Variants in TRIM24 observed in about 807,000 individuals in gnomAD.
TRIM24 encodes the protein tripartite motif containing 24, also known as transcription intermediary factor 1-alpha.
A neutral mutation model predicts 123.9 loss-of-function variants in TRIM24; 29 were observed. That is an observed-to-expected ratio of 0.23 (90% CI 0.17 to 0.32). The LOEUF (loss-of-function observed/expected upper bound fraction) is 0.32, where lower values mean the gene tolerates loss of function less well. TRIM24 is among the 10% of genes least tolerant of loss of function. The probability of loss-of-function intolerance (pLI) is 1.00; values close to 1 mark genes in which losing one functional copy is unlikely to be tolerated. For synonymous variants in TRIM24, 456 were observed against 461.1 expected (o/e 0.99, Z 0.14); for missense variants, 932 against 1,295.3 (o/e 0.72, Z 4.31).
In TRIM24 at chr7:138,567,561, A is replaced by G; in HGVS notation, c.1611A>G (p.Gln537=). 6.2e-7 allele frequency: 1 copy of G among 1,613,986 alleles called. No homozygotes were observed. Among genetic ancestry groups the G allele is most frequent in the South Asian group, 1.1e-5 (1 of 91,072 alleles). The change falls in exon 10 of 19, where the codon CAA becomes CAG. Residue 537 remains glutamine (Q), a synonymous_variant. Coordinates refer to ENST00000343526, the MANE Select transcript of TRIM24 (RefSeq NM_015905.3). ...NGPVLPPHPQ[Q]LRYPPNQNIP... is the part of the protein sequence containing the mutation. ...CAGTTCTTCCTCCTCATCCTCAACA[A>G]CTGAGATATCCACCAAACCAGAACA...
intron 7 of TRIM24, among the ~76,000 whole-genome samples, chr7:138,548,439 C>T (rs1797144684): frequency 6.6e-6 from 1 of 151,796 alleles, no homozygotes; most frequent in South Asian, 2.1e-4. Context: ...AACAGTATAC[C>T]TGTATAGGTA....
intron 2 of TRIM24, among the ~76,000 whole-genome samples, chr7:138,509,684 AGAGT>A (rs1359944723): frequency 1.5e-5 from 2 of 133,288 alleles, no homozygotes; most frequent in Admixed American, 1.7e-4. Flanking sequence ...CCTGGATGAC[AGAGT>A]GAGACTCTGT....
At chr7:138,493,342 T>C (rs1030433384) in intron 1 of TRIM24, among the ~76,000 whole-genome samples, 3 of 152,254 alleles carry the variant, frequency 2.0e-5, no homozygotes, top group Admixed American at 1.3e-4. Context: ...AGTATTACAA[T>C]GTGTTGGTAA....
intron 1 of TRIM24, among the ~76,000 whole-genome samples, chr7:138,478,922 A>C (rs557563929): frequency 2.0e-5 from 3 of 152,226 alleles, no homozygotes; most frequent in Non-Finnish European, 2.9e-5. Flanking sequence ...CCATCTCAGC[A>C]TAGTGGCCTT....
chr7:138,496,891 C>T (rs574139253), intron 1 of TRIM24, among the ~76,000 whole-genome samples: 10 of 152,154 alleles, frequency 6.6e-5, no homozygotes, highest in African/African-American at 7.2e-5. Flanking sequence ...ATTATTTGAA[C>T]GCTCAACCAG....
intron 9 of TRIM24, among the ~76,000 whole-genome samples, chr7:138,555,810 CT>C (rs1797304907): frequency 1.3e-5 from 2 of 152,086 alleles, no homozygotes; most frequent in South Asian, 2.1e-4. Flanking sequence ...GTTGCTTCCC[CT>C]GTCACAGGAT....
chr7:138,554,955 A>G lies in TRIM24; in HGVS notation c.1519A>G (p.Ile507Val). 6.2e-7 allele frequency: 1 copy of G among 1,613,802 alleles called. No homozygotes were observed. ...GCAGGGGCCCATCCAGCAACCTTCCATCTCTCATCAGGTAAATTTGGAAGC... is the reference window on the plus strand; with the variant it reads ...GCAGGGGCCCATCCAGCAACCTTCCGTCTCTCATCAGGTAAATTTGGAAGC... Reference protein sequence around the residue: ...RMQGPIQQPSISHQQPPPRLI... With the variant: ...RMQGPIQQPSVSHQQPPPRLI... The change falls in exon 9 of 19, where the codon ATC (isoleucine) becomes GTC (valine). Residue 507 changes from isoleucine (I) to valine (V), a missense_variant. Ile to Val is a conservative substitution (Grantham distance 29). Around this residue, in one of 7 missense-constraint regions of TRIM24, gnomAD observed 527 missense variants for 691.3 expected, o/e 0.76. Transcript: ENST00000343526. The surrounding 1 kb of genome is among the most constrained non-coding windows in gnomAD (Gnocchi z 4.5).
intron 1 of TRIM24, 30 bp from the exon 2 acceptor site, chr7:138,504,260 A>C (rs775518341): frequency 1.4e-6 from 2 of 1,470,926 alleles, no homozygotes; most frequent in Admixed American, 4.2e-5. Flanking sequence ...ATTTGTATTA[A>C]AACTTAGAAT....
chr7:138,527,379 A>T (rs1796632364), intron 5 of TRIM24, among the ~76,000 whole-genome samples: 1 of 152,250 alleles, frequency 6.6e-6, no homozygotes, highest in African/African-American at 2.4e-5. Flanking sequence ...CAAATTGCTT[A>T]CATATCTTTA....
At chr7:138,530,191 C>T (rs1236445994) in intron 6 of TRIM24, among the ~76,000 whole-genome samples, 1 of 151,290 alleles carries the variant, frequency 6.6e-6, no homozygotes, top group Non-Finnish European at 1.5e-5. Context: ...AATCAGACCC[C>T]ATTTATAGTA....
At chr7:138,515,692 T>A (rs1461530082) in intron 3 of TRIM24, among the ~76,000 whole-genome samples, 1 of 152,238 alleles carries the variant, frequency 6.6e-6, no homozygotes, top group African/African-American at 2.4e-5. Context: ...AAATATTTTA[T>A]AACTCTTCCT....
At chr7:138,484,978 A>G (rs1482473150) in intron 1 of TRIM24, among the ~76,000 whole-genome samples, 1 of 151,984 alleles carries the variant, frequency 6.6e-6, no homozygotes, top group Non-Finnish European at 1.5e-5. Flanking sequence ...TAGGTAGTTG[A>G]TAATAACCTC....
chr7:138,486,243 G>C (rs1344663482), intron 1 of TRIM24, among the ~76,000 whole-genome samples: 1 of 152,102 alleles, frequency 6.6e-6, no homozygotes, highest in Non-Finnish European at 1.5e-5. Flanking sequence ...TTAGCCCTTT[G>C]TCAGATAGGT....
intron 4 of TRIM24, among the ~76,000 whole-genome samples, chr7:138,519,817 G>C (rs1796470576): frequency 6.6e-6 from 1 of 152,100 alleles, no homozygotes; most frequent in Admixed American, 6.5e-5. Context: ...GTCAACATTT[G>C]AGGCATGCCT....
intron 7 of TRIM24, among the ~76,000 whole-genome samples, chr7:138,544,828 A>G (rs1159987684): frequency 1.3e-5 from 2 of 152,186 alleles, no homozygotes; most frequent in East Asian, 3.9e-4. Flanking sequence ...GAAAAATATA[A>G]ATTCAAACTC....
chr7:138,532,334 T>A (rs1263230604), intron 6 of TRIM24, among the ~76,000 whole-genome samples: 1 of 152,102 alleles, frequency 6.6e-6, no homozygotes, highest in Non-Finnish European at 1.5e-5. Context: ...TCTTCTAGGG[T>A]TTTTATGGTT....
intron 12 of TRIM24, among the ~76,000 whole-genome samples, chr7:138,575,131 AAAGATGT>A (rs1797729496): frequency 6.6e-6 from 1 of 152,216 alleles, no homozygotes; most frequent in Non-Finnish European, 1.5e-5. Flanking sequence ...GAACCATATA[AAAGATGT>A]AAAAGTATGT....
chr7:138,498,525 C>A (rs755222542), intron 1 of TRIM24, among the ~76,000 whole-genome samples: 12 of 151,860 alleles, frequency 7.9e-5, no homozygotes, highest in Non-Finnish European at 1.6e-4. Flanking sequence ...TGCCTGGCCC[C>A]CTGTGTGGGT....
intron 9 of TRIM24, among the ~76,000 whole-genome samples, chr7:138,556,784 G>T (rs1797324207): frequency 6.6e-6 from 1 of 152,180 alleles, no homozygotes; most frequent in Non-Finnish European, 1.5e-5. Context: ...GGACCAGAGA[G>T]ACCAATGGAT....
Sources: allele counts gnomAD v4.1 joint callset (sites outside exome capture counted in the v4.1 genomes callset), GRCh38; gene constraint gnomAD v4.1.1; regional missense constraint gnomAD v4.1.1; non-coding constraint Gnocchi (gnomAD v3.1); transcripts MANE v1.5; gene names NCBI Gene and HGNC (gene_info 2026-07-23, HGNC 2026-07-21).